The following SYNE1 variants were observed in gnomAD, a reference collection of about 807,000 sequenced individuals.
The protein encoded by SYNE1 is nesprin-1.
Under a neutral mutation model 1,111.0 loss-of-function variants are expected in SYNE1, and 616 were observed. That is an observed-to-expected ratio of 0.55 (90% CI 0.52 to 0.59). The LOEUF is 0.59. Among genes scored for constraint, SYNE1 ranks in the 20% least tolerant of loss-of-function variants. SYNE1 has a pLI of 0.00. For missense variants in SYNE1, 10,006 were observed against 10,417.0 expected, an observed-to-expected ratio of 0.96 and a Z score of 1.72; for synonymous variants, 3,855 against 3,825.8, an observed-to-expected ratio of 1.01 and a Z score of -0.28.
At position 152,206,279 on chromosome 6, in the gene SYNE1, G is replaced by C; in HGVS notation, c.22908C>G (p.Asp7636Glu). ...EAGKQLLLSA[D>E]SGAEAALQAE... Reference sequence around the variant, plus strand: ...CCTGCAAGGCGGCCTCAGCGCCACTGTCCGCCGAGAGAAGGAGTTGCTTGC... The same window carrying C: ...CCTGCAAGGCGGCCTCAGCGCCACTCTCCGCCGAGAGAAGGAGTTGCTTGC... The change falls in exon 126 of 146, where the codon GAC becomes GAG. Residue 7636 changes from aspartate to glutamate, a missense_variant. By Grantham distance (45) the Asp-to-Glu change is conservative. This residue lies in a region of SYNE1 where 2,182 missense variants were observed against 2,287.8 expected (regional missense o/e 0.95). Transcript: ENST00000367255. 6.2e-7 allele frequency: 1 copy of C among 1,613,962 alleles called. No homozygotes were observed. The highest frequency in any genetic ancestry group is 8.5e-7 in the Non-Finnish European group (1 of 1,180,020).
At chr6:152,472,697 C>A (rs2098813534) in intron 14 of SYNE1, 1 of 690,270 alleles carries the variant, frequency 1.4e-6, no homozygotes, top group Non-Finnish European at 2.6e-6. Context: ...GGCACATGAT[C>A]CAAAGGAAAA....
In SYNE1 at chr6:152,149,532, C is replaced by A. The variant is rs377704269; in HGVS notation, c.24587G>T (p.Cys8196Phe). ...TTCCACACGCCCGAAGACCTCCTGG[C>A]AGTACCGTCGGAGCTCATCTAGTTC... ...EEELDELRRY[C>F]QEVFGRVERY... Residue 8196 changes from cysteine to phenylalanine, a missense_variant, in exon 136 of 146, where the codon TGC becomes TTC. Transcript: ENST00000367255. 1 of 1,614,196 alleles carries A rather than the reference C, an allele frequency of 6.2e-7. No homozygotes were observed. Among genetic ancestry groups the A allele is most frequent in the Non-Finnish European group, 8.5e-7 (1 of 1,180,034 alleles).
At chr6:152,502,589 G>C (rs377277976) in intron 10 of SYNE1, 44 bp downstream of exon 10, 2 of 1,440,006 alleles carry the variant, frequency 1.4e-6, no homozygotes, top group South Asian at 2.3e-5. Flanking sequence ...CTGAGTCACT[G>C]TCATTGCATA....
At position 152,511,711 on chromosome 6, in the gene SYNE1, A is replaced by G. The variant is rs982420535; in HGVS notation, c.310-608T>C. The G allele has an allele frequency of 3.9e-6, 4 of 1,018,246 alleles. No individual in the cohort carries two copies. In the African/African-American group the frequency reaches 6.4e-5, roughly 16 times the overall value. 63.1% of individuals were successfully genotyped at this position (1,018,246 alleles called of 1,614,324 possible). On this transcript the variant is annotated intron_variant, in intron 6 of 145. Coordinates refer to ENST00000367255, the MANE Select transcript of SYNE1 (RefSeq NM_182961.4). ...GTCAGTTTAGAACCTGACTGTGGTA[A>G]TACGTTTTAAAGAAAAACAAAGGAA...
chr6:152,613,534 T>G (rs2099637928), intron 3 of SYNE1, among the ~76,000 whole-genome samples: 1 of 152,166 alleles, frequency 6.6e-6, no homozygotes, highest in African/African-American at 2.4e-5. Flanking sequence ...TCCATGCTCA[T>G]GGATAGGTAG....
intron 6 of SYNE1, among the ~76,000 whole-genome samples, chr6:152,518,377 T>A (rs1012826572): frequency 1.3e-5 from 2 of 151,910 alleles, no homozygotes; most frequent in Non-Finnish European, 2.9e-5. Context: ...TTGGGTACCC[T>A]CCACACAATA....
In SYNE1 at chr6:152,278,064, G is replaced by A. The variant is rs781099262; in HGVS notation, c.18573+25C>T. The A allele has an allele frequency of 2.5e-6, 4 of 1,613,140 alleles. No individual in the cohort carries two copies. In the East Asian group the frequency reaches 6.7e-5, roughly 27 times the overall value. On this transcript the variant is annotated intron_variant, in intron 98 of 145. Transcript: ENST00000367255. ...GTGAACAGTGTGCCAACTTTCAGCT[G>A]TGGGCCAGCGGCTGGAACCCTCACC...
rs1273499044 is a variant in SYNE1, at chr6:152,310,710, T to G, written c.16874A>C (p.Gln5625Pro). Reference sequence around the variant, plus strand: ...TACCTTAGCTGCATCTTGGAGGTTCTGCAAACGAATTTTGATCATCTGTCG... The same window carrying G: ...TACCTTAGCTGCATCTTGGAGGTTCGGCAAACGAATTTTGATCATCTGTCG... ...ELRQMIKIRL[Q>P]NLQDAAKDMK... Residue 5625 changes from glutamine (Q) to proline (P), a missense_variant, in exon 88 of 146, where the codon CAG (glutamine) becomes CCG (proline). Around this residue, in one of 7 missense-constraint regions of SYNE1, gnomAD observed 4,955 missense variants for 5,017.2 expected, o/e 0.99. Coordinates refer to ENST00000367255, the MANE Select transcript of SYNE1 (RefSeq NM_182961.4). 9 of 1,614,072 alleles carry G rather than the reference T, an allele frequency of 5.6e-6. No individual in the cohort carries two copies. Among genetic ancestry groups the G allele is most frequent in the Non-Finnish European group, 7.6e-6 (9 of 1,180,028 alleles).
At chr6:152,541,079 T>C (rs1009276367) in intron 3 of SYNE1, among the ~76,000 whole-genome samples, 5 of 152,316 alleles carry the variant, frequency 3.3e-5, no homozygotes, top group Admixed American at 6.5e-5. Flanking sequence ...TGCGGTACTT[T>C]GCTATGTAAC....
intron 105 of SYNE1, 36 bp from the exon 106 acceptor site, chr6:152,244,692 A>G: frequency 2.5e-6 from 4 of 1,613,176 alleles, no homozygotes; most frequent in Non-Finnish European, 3.4e-6. Context: ...TAAAACTCCC[A>G]TGAACAATTT....
intron 3 of SYNE1, among the ~76,000 whole-genome samples, chr6:152,587,761 G>A (rs2099545111): frequency 6.6e-6 from 1 of 152,184 alleles, no homozygotes; most frequent in African/African-American, 2.4e-5. Flanking sequence ...GTGGTGGCAG[G>A]CAGCATTATG....
At position 152,124,296 on chromosome 6, in the gene SYNE1, G is replaced by A. The variant is rs182328151; in HGVS notation, c.26154-1620C>T. ...TGCACTCCATCCTGGGCAACAGAGC[G>A]AGACTCTATCTCAAAAACAGATATT... On this transcript the variant is annotated intron_variant, in intron 145 of 145. Transcript: ENST00000367255. Among the ~76,000 whole-genome samples, 39 of 146,678 alleles carry A rather than the reference G, an allele frequency of 2.7e-4. No homozygotes were observed. In the East Asian group the frequency reaches 5.9e-3, roughly 22 times the overall value.
chr6:152,154,713 T>C (rs1249762942), intron 133 of SYNE1, among the ~76,000 whole-genome samples, 179 bp downstream of exon 133: 5 of 152,106 alleles, frequency 3.3e-5, no homozygotes, highest in South Asian at 2.1e-4. Flanking sequence ...AAACCTCTTT[T>C]TCCCCCTTCA....
At chr6:152,301,810 G>A (rs1477617750) in intron 92 of SYNE1, 59 bp downstream of exon 92, 8 of 1,528,726 alleles carry the variant, frequency 5.2e-6, no homozygotes, top group Non-Finnish European at 6.2e-6. Flanking sequence ...AGGGAACATG[G>A]AGCCACTCGC....
chr6:152,508,689 G>A lies in SYNE1; in HGVS notation c.581+1504C>T, dbSNP rs533851209. ...CCCTGCCCAGTTAAGTTGTAAGAGA[G>A]ATTAGTAATGCCACTGTGGATGCAA... On this transcript the variant is annotated intron_variant, in intron 8 of 145. Coordinates refer to ENST00000367255, the MANE Select transcript of SYNE1 (RefSeq NM_182961.4). 5.9e-5 allele frequency among the ~76,000 whole-genome samples: 9 copies of A among 152,336 alleles called. No homozygotes were observed. In the East Asian group the frequency reaches 9.6e-4, roughly 16 times the overall value.
At chr6:152,296,620 G>A (rs1034463090) in intron 93 of SYNE1, among the ~76,000 whole-genome samples, 3 of 152,202 alleles carry the variant, frequency 2.0e-5, no homozygotes, top group African/African-American at 7.2e-5. Context: ...CTCAAAGGTT[G>A]CAAACTGGCA....
intron 56 of SYNE1, among the ~76,000 whole-genome samples, chr6:152,377,635 AAAAAAATATATATATATAT>A (rs1168673711): frequency 3.8e-5 from 3 of 79,020 alleles, no homozygotes; most frequent in African/African-American, 1.9e-4. Flanking sequence ...AAAAAAAAAA[AAAAAAATATATATATATAT>A]ATATATATAT....
intron 131 of SYNE1, among the ~76,000 whole-genome samples, chr6:152,158,565 C>T (rs566343152): frequency 5.3e-5 from 8 of 152,208 alleles, no homozygotes; most frequent in Admixed American, 1.3e-4. Context: ...ATAAACAGTC[C>T]TTTCAAATCT....
intron 53 of SYNE1, among the ~76,000 whole-genome samples, chr6:152,389,048 C>T (rs2097565671): frequency 6.6e-6 from 1 of 150,916 alleles, no homozygotes; most frequent in African/African-American, 2.5e-5. Flanking sequence ...ACTGCCTATG[C>T]TCCATATTAA....
Sources: gnomAD v4.1 joint callset for allele counts (sites outside exome capture counted in the v4.1 genomes callset) on GRCh38, gnomAD v4.1.1 for gene constraint, gnomAD v4.1.1 regional missense constraint, MANE v1.5 for transcripts, NCBI Gene and HGNC (gene_info 2026-07-23, HGNC 2026-07-21) for gene names.